The following ADAMTS17 variants were observed in gnomAD, a reference collection of about 807,000 sequenced individuals.
ADAMTS17 encodes ADAM metallopeptidase with thrombospondin type 1 motif 17, also known as A disintegrin and metalloproteinase with thrombospondin motifs 17.
A neutral mutation model predicts 141.5 loss-of-function variants in ADAMTS17; 113 were observed. That is an observed-to-expected ratio of 0.80 (90% CI 0.69 to 0.93). The LOEUF (loss-of-function observed/expected upper bound fraction) is 0.93, where lower values mean the gene tolerates loss of function less well. Ranked by LOEUF, ADAMTS17 falls within the 40% of genes least tolerant of loss-of-function variation. The probability of loss-of-function intolerance (pLI) is 0.00; values close to 1 mark genes in which losing one functional copy is unlikely to be tolerated. For missense variants in ADAMTS17, 1,659 were observed against 1,517.9 expected (o/e 1.09, Z -1.54); for synonymous variants, 768 against 630.6 (o/e 1.22, Z -3.27).
intron 20 of ADAMTS17, among the ~76,000 whole-genome samples, chr15:99,984,919 G>A (rs2060554529): frequency 6.6e-6 from 1 of 152,236 alleles, no homozygotes; most frequent in Non-Finnish European, 1.5e-5. Flanking sequence ...GTTTGACAAG[G>A]GACACTGAGC....
chr15:100,286,248 T>C (rs2044444441), intron 3 of ADAMTS17, among the ~76,000 whole-genome samples: 1 of 152,204 alleles, frequency 6.6e-6, no homozygotes, highest in Non-Finnish European at 1.5e-5. Context: ...ATGTGCACCC[T>C]GCTGCCCTAC....
At chr15:100,094,136 C>T (rs2035625957) in intron 15 of ADAMTS17, among the ~76,000 whole-genome samples, 1 of 152,200 alleles carries the variant, frequency 6.6e-6, no homozygotes, top group Admixed American at 6.5e-5. Flanking sequence ...TGACAATTGG[C>T]AATCACTCAG....
At chr15:99,998,459 C>A (rs1163822495) in intron 18 of ADAMTS17, among the ~76,000 whole-genome samples, 3 of 152,068 alleles carry the variant, frequency 2.0e-5, no homozygotes, top group Non-Finnish European at 4.4e-5. Flanking sequence ...ACAAAATTAT[C>A]CAGGCGTGGT....
At chr15:100,329,421 G>C (rs541933556) in intron 3 of ADAMTS17, among the ~76,000 whole-genome samples, 1 of 151,878 alleles carries the variant, frequency 6.6e-6, no homozygotes, top group East Asian at 1.9e-4. Context: ...TGTGGTCCCA[G>C]CTACTCAGGA....
At chr15:100,152,890 G>A in intron 9 of ADAMTS17, 128 bp from the exon 10 acceptor site, 1 of 951,590 alleles carries the variant, frequency 1.1e-6, no homozygotes, top group East Asian at 5.4e-5. Context: ...ATGGAAAAAG[G>A]ACGCAGGCAC....
intron 20 of ADAMTS17, chr15:99,980,271 A>C (rs1228302075): frequency 7.2e-5 from 11 of 152,210 alleles, no homozygotes; most frequent in African/African-American, 2.2e-4. Context: ...CAGTTAGCTG[A>C]GATTGCACCA....
intron 13 of ADAMTS17, among the ~76,000 whole-genome samples, chr15:100,115,214 A>G (rs1386781434): frequency 1.3e-5 from 2 of 152,328 alleles, no homozygotes; most frequent in East Asian, 3.9e-4. Flanking sequence ...TGTGCCTGAC[A>G]CAGCGGGAAG....
chr15:100,299,565 T>A (rs1213166772), intron 3 of ADAMTS17, among the ~76,000 whole-genome samples: 1 of 149,310 alleles, frequency 6.7e-6, no homozygotes, highest in East Asian at 1.9e-4. Context: ...GGGAAGAAAT[T>A]AATTAATGTG....
chr15:100,143,673 A>G (rs1371419883), intron 10 of ADAMTS17, among the ~76,000 whole-genome samples: 1 of 152,214 alleles, frequency 6.6e-6, no homozygotes, highest in Non-Finnish European at 1.5e-5. Flanking sequence ...CTGCAGACAG[A>G]CATTCAGTGG....
At position 100,281,249 on chromosome 15, in the gene ADAMTS17, T is replaced by A; in HGVS notation, c.769A>T (p.Ile257Phe). ...YHGAEAAQRF[I>F]LTVMNMVYNM... Reference sequence around the variant, plus strand: ...CTCACCATGTTCATGACGGTCAGGATGAACCTCTGGGCGGCCTCGGCCCCG... The same window carrying A: ...CTCACCATGTTCATGACGGTCAGGAAGAACCTCTGGGCGGCCTCGGCCCCG... Residue 257 changes from isoleucine (I) to phenylalanine (F), a missense_variant, in exon 4 of 22, where the codon ATC becomes TTC. Physicochemically the swap from Ile to Phe is conservative, Grantham distance 21. Coordinates refer to ENST00000268070, the MANE Select transcript of ADAMTS17 (RefSeq NM_139057.4). 1 of 1,606,278 alleles carries A rather than the reference T, an allele frequency of 6.2e-7. No individual in the cohort carries two copies. Among genetic ancestry groups the A allele is most frequent in the Non-Finnish European group, 8.5e-7 (1 of 1,179,984 alleles).
At chr15:100,154,808 C>T (rs113074738) in intron 9 of ADAMTS17, among the ~76,000 whole-genome samples, 2 of 152,304 alleles carry the variant, frequency 1.3e-5, no homozygotes, top group African/African-American at 2.4e-5. Context: ...TCTAGGCAAG[C>T]GGCCTTCATC....
intron 4 of ADAMTS17, among the ~76,000 whole-genome samples, chr15:100,277,543 A>C (rs2044140737): frequency 1.3e-5 from 2 of 152,158 alleles, no homozygotes; most frequent in Admixed American, 6.5e-5. Flanking sequence ...AAAGAGAGAG[A>C]GATAAAATAA....
intron 8 of ADAMTS17, among the ~76,000 whole-genome samples, chr15:100,195,613 C>CAAAAAAA (rs71287815): frequency 3.1e-5 from 2 of 63,640 alleles, no homozygotes; most frequent in African/African-American, 1.2e-4. Flanking sequence ...TGTTTGGTCT[C>CAAAAAAA]AAAAAAAAAA....
At chr15:100,208,033 G>A (rs375086495) in intron 7 of ADAMTS17, among the ~76,000 whole-genome samples, 22 of 152,272 alleles carry the variant, frequency 1.4e-4, no homozygotes, top group African/African-American at 5.1e-4. Context: ...ATCTCTTCAA[G>A]TCCCCAGGGA....
In ADAMTS17 at chr15:100,152,862, G is replaced by A. The variant is rs551046085; in HGVS notation, c.1323-100C>T. 7 of 1,460,662 alleles carry A rather than the reference G, an allele frequency of 4.8e-6. No homozygotes were observed. The African/African-American group carries it at 1.0e-4, about 21-fold the overall frequency. 90.5% of individuals were successfully genotyped at this position (1,460,662 alleles called of 1,614,324 possible). Reference sequence around the variant, plus strand: ...TTGAGTTTTCAGTCACTGAGAAGAGGGCACCTCCACGTTCCTTATGGAAAA... The same window carrying A: ...TTGAGTTTTCAGTCACTGAGAAGAGAGCACCTCCACGTTCCTTATGGAAAA... On this transcript the variant is annotated intron_variant, in intron 9 of 21. Transcript: ENST00000268070.
rs777564527 is a variant in ADAMTS17, at chr15:100,327,247, C to T, written c.616+3642G>A. On this transcript the variant is annotated intron_variant, in intron 3 of 21. Transcript: ENST00000268070. ...CAAATTCTTGCATAAATTAGCAATG[C>T]GCAGTTTCTACAGAGTTATAGTATC... Among the ~76,000 whole-genome samples, 18 of 152,294 alleles carry T rather than the reference C, an allele frequency of 1.2e-4. No individual in the cohort carries two copies. The South Asian group carries it at 2.9e-3, about 25-fold the overall frequency.
Position 100,262,428 on chromosome 15 carries a change from T to C in ADAMTS17, c.797A>G (p.Asn266Ser), listed in dbSNP as rs768079192. 6 of 1,613,184 alleles carry C rather than the reference T, an allele frequency of 3.7e-6. No individual in the cohort carries two copies. The highest frequency in any genetic ancestry group is 2.2e-5 in the South Asian group (2 of 90,986). The part of the protein sequence containing the change: ...FILTVMNMVY[N>S]MFQHQSLGIK... The stretch of plus-strand genomic sequence containing the variant: ...CCCCAGGCTCTGGTGCTGAAACATA[T>C]TGTATACCTATCAAGACAGAAAAAA... Residue 266 changes from asparagine to serine, a missense_variant, in exon 5 of 22, where the codon AAT (asparagine) becomes AGT (serine). Coordinates refer to ENST00000268070, the MANE Select transcript of ADAMTS17 (RefSeq NM_139057.4).
chr15:100,238,305 C>T (rs1413583235), intron 7 of ADAMTS17, among the ~76,000 whole-genome samples: 1 of 151,864 alleles, frequency 6.6e-6, no homozygotes, highest in African/African-American at 2.4e-5. Flanking sequence ...CCCTTTATCG[C>T]CAGCCTCCAT....
At position 99,973,055 on chromosome 15, in the gene ADAMTS17, CTAGGGTCCCTGCCCGGCCTCCTTGCAGG is replaced by C. The variant is rs1415787785; in HGVS notation, c.*1319_*1346del. ...GTGAGCAAAACAGGCCTCCTGGCAT[CTAGGGTCCCTGCCCGGCCTCCTTGCAGG>C]TAGGGTGCTACCATCCTCTGTGCTC... On this transcript the variant is annotated 3_prime_UTR_variant, in exon 22 of 22. Coordinates refer to ENST00000268070, the MANE Select transcript of ADAMTS17 (RefSeq NM_139057.4). 2 of 152,156 alleles carry C rather than the reference CTAGGGTCCCTGCCCGGCCTCCTTGCAGG, an allele frequency of 1.3e-5. No individual in the cohort carries two copies. Among genetic ancestry groups the C allele is most frequent in the Non-Finnish European group, 2.9e-5 (2 of 68,068 alleles). 9.4% of individuals were successfully genotyped at this position (152,156 alleles called of 1,614,324 possible).
Sources: gnomAD v4.1 joint callset for allele counts (sites outside exome capture counted in the v4.1 genomes callset) on GRCh38, gnomAD v4.1.1 for gene constraint, MANE v1.5 for transcripts, NCBI Gene and HGNC (gene_info 2026-07-23, HGNC 2026-07-21) for gene names.